EIF2D: variants seen among roughly 807,000 people sequenced by gnomAD.
The protein encoded by EIF2D is hepatocellular carcinoma-associated antigen 56.
Under a neutral mutation model 77.4 loss-of-function variants are expected in EIF2D, and 56 were observed. The ratio of observed to expected loss-of-function variants is 0.72; its 90% CI spans 0.58 to 0.90. EIF2D has a LOEUF of 0.90. Ranked by LOEUF, EIF2D falls within the 40% of genes least tolerant of loss-of-function variation. EIF2D has a pLI of 0.00. For missense variants in EIF2D, 574 were observed against 706.5 expected (o/e 0.81, Z 2.13); for synonymous variants, 230 against 271.0 (o/e 0.85, Z 1.49).
At chr1:206,580,549 G>T (rs1453087723) in intron 4 of EIF2D, 2 of 152,210 alleles carry the variant, frequency 1.3e-5, no homozygotes, top group Admixed American at 6.5e-5. Context: ...TGCTCAGCTG[G>T]CAAGGACTGA....
chr1:206,597,234 T>C lies in EIF2D; in HGVS notation c.1293-39A>G, dbSNP rs782156040. 4 of 1,508,274 alleles carry C rather than the reference T, an allele frequency of 2.7e-6. No homozygotes were observed. In the South Asian group the frequency reaches 4.5e-5, roughly 17 times the overall value. The allele number at this position is 1,508,274 out of a possible 1,614,324, so 93.4% of individuals were successfully genotyped here. A position where few individuals can be genotyped will look rare whatever the true frequency, so the allele number is the denominator to read the frequency against. ...AGAGGCAATGAAGAAATCCTAGACTTGTCCCTTCTGACCTGAAGGCTAATT... is the reference window on the plus strand; with the variant it reads ...AGAGGCAATGAAGAAATCCTAGACTCGTCCCTTCTGACCTGAAGGCTAATT... On this transcript the variant is annotated intron_variant, in intron 11 of 14. Coordinates refer to ENST00000271764, the MANE Select transcript of EIF2D (RefSeq NM_006893.3).
intron 2 of EIF2D, among the ~76,000 whole-genome samples, chr1:206,581,918 G>A (rs1294085835): frequency 6.6e-6 from 1 of 152,014 alleles, no homozygotes; most frequent in Non-Finnish European, 1.5e-5. Context: ...GTGGTGATGT[G>A]ACGTCGCGGC....
chr1:206,608,402 C>T (rs1670304308), intron 3 of EIF2D, 76 bp from the exon 4 acceptor site: 1 of 1,228,586 alleles, frequency 8.1e-7, no homozygotes, highest in Admixed American at 2.6e-5. Context: ...CATTTCCTCA[C>T]TCGCTCAACA....
intron 1 of EIF2D, among the ~76,000 whole-genome samples, chr1:206,611,710 C>T (rs1161014967): frequency 1.3e-5 from 2 of 152,190 alleles, no homozygotes; most frequent in African/African-American, 4.8e-5. Flanking sequence ...ATACATGCTT[C>T]GCAAATATGC....
chr1:206,570,245 C>T (rs534455057), downstream of EIF2D, among the ~76,000 whole-genome samples: 332 of 152,022 alleles, frequency 2.2e-3, 3 homozygotes, highest in African/African-American at 7.8e-3. Flanking sequence ...GCATGGACCA[C>T]CACGCTTGGC....
At chr1:206,585,540 T>C in intron 2 of EIF2D, 1 of 351,610 alleles carries the variant, frequency 2.8e-6, no homozygotes, top group Non-Finnish European at 5.2e-6. Flanking sequence ...AAGGATTTCA[T>C]GTGCTTTATT....
intron 4 of EIF2D, among the ~76,000 whole-genome samples, chr1:206,574,592 C>T (rs1158530944): frequency 6.6e-6 from 1 of 152,170 alleles, no homozygotes; most frequent in African/African-American, 2.4e-5. Flanking sequence ...GCAGAAGCTC[C>T]ATGATAAAGC....
chr1:206,593,634 C>T lies in EIF2D; in HGVS notation c.1669G>A (p.Gly557Ser), dbSNP rs546078025. 19 of 1,608,990 alleles carry T rather than the reference C, an allele frequency of 1.2e-5. No homozygotes were observed. Among genetic ancestry groups the T allele is most frequent in the Admixed American group, 1.7e-5 (1 of 59,858 alleles). ...QIQGNQVHHL[G>S]WLLLEEYQLP... is the part of the protein sequence containing the mutation. ...GGATGCTCACCAAGCAATAGCCAGC[C>T]GAGGTGGTGGACCTGGTTTCCCTGG... The change falls in exon 14 of 15, where the codon GGC becomes AGC. Residue 557 changes from glycine (G) to serine (S), a missense_variant. Gly to Ser is a moderately conservative substitution (Grantham distance 56). Transcript: ENST00000271764.
chr1:206,590,495 C>T (rs908075105), downstream of EIF2D, among the ~76,000 whole-genome samples: 6 of 152,338 alleles, frequency 3.9e-5, no homozygotes, highest in Middle Eastern at 0.014. Flanking sequence ...ATCATAATCC[C>T]TCAGATCAGA....
At chr1:206,591,983 C>T (rs1347677696) in intron 14 of EIF2D, 138 bp from the exon 15 acceptor site, 2 of 743,176 alleles carry the variant, frequency 2.7e-6, no homozygotes, top group African/African-American at 3.5e-5. Flanking sequence ...TACGCCTACA[C>T]CTCACAGCTG....
chr1:206,585,985 GA>G, intron 2 of EIF2D: 1 of 152,362 alleles, frequency 6.6e-6, no homozygotes, highest in Middle Eastern at 3.4e-3. Flanking sequence ...AATATGTTTG[GA>G]AAAAGTACTC....
downstream of EIF2D, chr1:206,586,768 A>G (rs535729520): frequency 7.1e-7 from 1 of 1,401,990 alleles, no homozygotes; most frequent in South Asian, 1.2e-5. Context: ...AGGTCGTGTC[A>G]ACTTCTAACC....
downstream of EIF2D, chr1:206,588,939 T>C (rs543389600): frequency 1.9e-4 from 29 of 152,838 alleles, no homozygotes; most frequent in Admixed American, 7.8e-4. Flanking sequence ...GGCTATTTTA[T>C]TTTTGAGAAG....
At position 206,572,866 on chromosome 1, in the gene EIF2D, G is replaced by A. The variant is rs548294088; in HGVS notation, c.*255-167C>T. On this transcript the variant is annotated intron_variant and NMD_transcript_variant, in intron 4 of 5. Coordinates refer to the EIF2D transcript ENST00000472709. ...TGGCCCCAAAGACAAAAGTTCTTAG[G>A]ACCCATGAAAGTCATAATGTGGCCT... Among the ~76,000 whole-genome samples, 31 of 152,228 alleles carry A rather than the reference G, an allele frequency of 2.0e-4. No individual in the cohort carries two copies. In the South Asian group the frequency reaches 6.2e-3, roughly 31 times the overall value.
At chr1:206,585,705 T>C in intron 2 of EIF2D, 1 of 162,020 alleles carries the variant, frequency 6.2e-6, no homozygotes, top group Non-Finnish European at 1.4e-5. Context: ...TTTCTTGACC[T>C]CCATCCCCCA....
Position 206,573,261 on chromosome 1 carries a change from A to C in EIF2D, c.*255-562T>G, listed in dbSNP as rs185190735. 3.4e-3 allele frequency among the ~76,000 whole-genome samples: 521 copies of C among 152,180 alleles called. 15 individuals carry two copies. Among genetic ancestry groups the C allele is most frequent in the Admixed American group, 0.033 (502 of 15,294 alleles). ...GGACTGCTTGATTTTTTACCTTCAC[A>C]TCAATCCCGTGAGGCAATAAAGGAT... On this transcript the variant is annotated intron_variant and NMD_transcript_variant, in intron 4 of 5. Transcript: ENST00000472709.
At chr1:206,602,590 G>T in intron 6 of EIF2D, 137 bp from the exon 7 acceptor site, 1 of 777,806 alleles carries the variant, frequency 1.3e-6, no homozygotes. Context: ...AAAGCTCCCA[G>T]CCTCTCTTGA....
intron 5 of EIF2D, 99 bp downstream of exon 5, chr1:206,605,301 G>C: frequency 1.3e-6 from 1 of 762,426 alleles, no homozygotes; most frequent in Non-Finnish European, 2.1e-6. Context: ...CTTGCTTAAA[G>C]ACATGGCTAG....
At chr1:206,585,180 T>A in intron 2 of EIF2D, 1 of 1,612,658 alleles carries the variant, frequency 6.2e-7, no homozygotes, top group African/African-American at 1.3e-5. Context: ...TGGTTTGCAG[T>A]GCTCTTCCAG....
Sources: gnomAD v4.1 joint callset for allele counts (sites outside exome capture counted in the v4.1 genomes callset) on GRCh38, gnomAD v4.1.1 for gene constraint, MANE v1.5 for transcripts, NCBI Gene and HGNC (gene_info 2026-07-23, HGNC 2026-07-21) for gene names.